Variants in DDC observed in about 807,000 individuals in gnomAD.
DDC encodes the protein aromatic-L-amino-acid decarboxylase.
Under a neutral mutation model 60.0 loss-of-function variants are expected in DDC, and 43 were observed. The ratio of observed to expected loss-of-function variants is 0.72; its 90% confidence interval spans 0.56 to 0.92. The LOEUF is 0.92. Among genes scored for constraint, DDC ranks in the 40% least tolerant of loss-of-function variants. The pLI is 0.00. For synonymous variants in DDC, 232 were observed against 234.6 expected (o/e 0.99, Z 0.10); for missense variants, 573 against 620.2 (o/e 0.92, Z 0.81).
intron 2 of DDC, chr7:50,543,592 G>C (rs775715875): frequency 4.5e-6 from 2 of 446,574 alleles, no homozygotes; most frequent in Non-Finnish European, 8.3e-6. Flanking sequence ...TCTATGTACC[G>C]AGTGTCTCTG....
intron 13 of DDC, among the ~76,000 whole-genome samples, chr7:50,465,941 T>C (rs79250584): frequency 0.051 from 7,716 of 152,232 alleles, 256 homozygotes; most frequent in Middle Eastern, 0.082. Flanking sequence ...TCTCATCACT[T>C]TGTGCTCTTC....
intron 11 of DDC, among the ~76,000 whole-genome samples, chr7:50,470,738 C>T (rs1235658996): frequency 3.3e-5 from 5 of 152,228 alleles, no homozygotes; most frequent in African/African-American, 7.2e-5. Flanking sequence ...TGTCTCCATG[C>T]TGGTGCTCCA....
chr7:50,535,680 A>T (rs1215569864), intron 4 of DDC, among the ~76,000 whole-genome samples: 1 of 152,186 alleles, frequency 6.6e-6, no homozygotes, highest in Non-Finnish European at 1.5e-5. Context: ...AATAGGCATT[A>T]CAAGCAAGTT....
At chr7:50,510,906 GGGAGGT>G (rs1354844403) in intron 6 of DDC, among the ~76,000 whole-genome samples, 1 of 148,714 alleles carries the variant, frequency 6.7e-6, no homozygotes, top group Non-Finnish European at 1.5e-5. Context: ...GCATGAACCT[GGGAGGT>G]GGAGTTTGCA....
intron 14 of DDC, among the ~76,000 whole-genome samples, chr7:50,461,565 C>T (rs2042273577): frequency 6.6e-6 from 1 of 152,230 alleles, no homozygotes; most frequent in African/African-American, 2.4e-5. Context: ...ACACTCTCCA[C>T]ATATGTTCTT....
At chr7:50,562,102 C>A (rs2045353567) in intron 1 of DDC, among the ~76,000 whole-genome samples, 1 of 152,224 alleles carries the variant, frequency 6.6e-6, no homozygotes, top group Non-Finnish European at 1.5e-5. Flanking sequence ...TGACTTTAAG[C>A]AGCATCTTTT....
rs530514050 is a variant in DDC, at chr7:50,511,090, A to T, written c.715-7031T>A. On this transcript the variant is annotated intron_variant, in intron 6 of 14. Coordinates refer to ENST00000444124, the MANE Select transcript of DDC (RefSeq NM_001082971.2). ...ACACACACACACACACACACAAAATAATATATAATTTATTTAATAGGAGTT... is the reference window on the plus strand; with the variant it reads ...ACACACACACACACACACACAAAATTATATATAATTTATTTAATAGGAGTT... Among the ~76,000 whole-genome samples the T allele has an allele frequency of 2.8e-5, 4 of 142,248 alleles. 1 individual carries two copies. Among genetic ancestry groups the T allele is most frequent in the African/African-American group, 7.7e-5 (3 of 38,966 alleles). The allele number at this position is 142,248 out of a possible 152,430, so 93.3% of individuals were successfully genotyped here.
chr7:50,462,226 CAAAAAAAAAAA>C (rs11410259), intron 14 of DDC, among the ~76,000 whole-genome samples: 1 of 75,380 alleles, frequency 1.3e-5, no homozygotes, highest in Non-Finnish European at 2.4e-5. Context: ...GACAAAAAGA[CAAAAAAAAAAA>C]AAAAAAAAAA....
Position 50,543,934 on chromosome 7 carries a change from T to A in DDC, c.152A>T (p.Asp51Val), listed in dbSNP as rs765316768. The A allele has an allele frequency of 1.9e-6, 3 of 1,614,174 alleles. No homozygotes were observed. The highest frequency in any genetic ancestry group is 1.3e-5 in the African/African-American group (1 of 75,046). ...GTCGTTGATGATGTCCTCAAACGTG[T>A]CTGGCTCCTGAGGGGCAGCGGCAGG... ...LIPAAAPQEPDTFEDIINDVE... is the reference protein window; with the variant it reads ...LIPAAAPQEPVTFEDIINDVE... The change falls in exon 2 of 15, where the codon GAC becomes GTC. Residue 51 changes from aspartate (D) to valine (V), a missense_variant. Physicochemically the swap from Asp to Val is radical, Grantham distance 152 (BLOSUM62 -3). Transcript: ENST00000444124.
At chr7:50,462,648 C>T (rs1490780413) in intron 14 of DDC, among the ~76,000 whole-genome samples, 1 of 151,950 alleles carries the variant, frequency 6.6e-6, no homozygotes, top group African/African-American at 2.4e-5. Flanking sequence ...TTTGAAGAAA[C>T]CTGAAGTATT....
chr7:50,531,195 C>T (rs2044194767), intron 4 of DDC, among the ~76,000 whole-genome samples: 1 of 152,130 alleles, frequency 6.6e-6, no homozygotes, highest in Non-Finnish European at 1.5e-5. Context: ...AGGGGAGAAA[C>T]CAATTTTGGC....
chr7:50,517,837 A>AAAAC (rs1554427484), intron 6 of DDC, among the ~76,000 whole-genome samples: 8 of 151,372 alleles, frequency 5.3e-5, no homozygotes, highest in African/African-American at 1.9e-4. Context: ...AAAAAAAAAA[A>AAAAC]AAAAAAAAAC....
intron 1 of DDC, among the ~76,000 whole-genome samples, chr7:50,557,125 A>G (rs771504085): frequency 3.9e-5 from 6 of 152,352 alleles, no homozygotes; most frequent in Non-Finnish European, 5.9e-5. Flanking sequence ...GAAATTTTCT[A>G]CAACAAACAA....
intron 12 of DDC, among the ~76,000 whole-genome samples, chr7:50,469,358 CAG>C (rs2042478376): frequency 6.6e-6 from 1 of 150,816 alleles, no homozygotes; most frequent in South Asian, 2.1e-4. Flanking sequence ...CTTGTTAAAA[CAG>C]AGGTTGCTGG....
chr7:50,534,115 C>T (rs189190474), intron 4 of DDC, among the ~76,000 whole-genome samples: 4 of 152,272 alleles, frequency 2.6e-5, no homozygotes, highest in Non-Finnish European at 5.9e-5. Flanking sequence ...AAGGATGTTC[C>T]GAGGTCAGTT....
intron 9 of DDC, among the ~76,000 whole-genome samples, chr7:50,480,272 T>C (rs1353172683): frequency 6.6e-6 from 1 of 152,096 alleles, no homozygotes; most frequent in East Asian, 1.9e-4. Context: ...AGTGGCAGGA[T>C]TGGAGAGCTC....
intron 10 of DDC, chr7:50,477,546 ACC>A (rs1349565036): frequency 2.2e-6 from 1 of 456,976 alleles, no homozygotes; most frequent in Non-Finnish European, 4.4e-6. Context: ...CCCACGCCCC[ACC>A]CTGCACTTCA....
Position 50,470,147 on chromosome 7 carries a change from T to C in DDC, c.1066A>G (p.Arg356Gly). 6.2e-7 allele frequency: 1 copy of C among 1,613,008 alleles called. No individual in the cohort carries two copies. Among genetic ancestry groups the C allele is most frequent in the Non-Finnish European group, 8.5e-7 (1 of 1,179,024 alleles). Residue 356 changes from arginine to glycine, a missense_variant, in exon 12 of 15, where the codon AGA (arginine) becomes GGA (glycine). Coordinates refer to ENST00000444124, the MANE Select transcript of DDC (RefSeq NM_001082971.2). ...AACCACATTTTCAAAGAGCGAAATC[T>C]TCTGCCCAGTGGTATCTGCCAATGC... ...YRHWQIPLGR[R>G]FRSLKMWFVF...
intron 9 of DDC, among the ~76,000 whole-genome samples, chr7:50,484,169 T>G (rs73119234): frequency 0.016 from 2,450 of 152,300 alleles, 41 homozygotes; most frequent in Non-Finnish European, 0.018. Flanking sequence ...TTAATCTGTG[T>G]TTTCTTTATT....
Sources: gnomAD v4.1 joint callset for allele counts (sites outside exome capture counted in the v4.1 genomes callset) on GRCh38, gnomAD v4.1.1 for gene constraint, MANE v1.5 for transcripts, NCBI Gene and HGNC (gene_info 2026-07-23, HGNC 2026-07-21) for gene names.